Variants in MARCHF1 observed in about 807,000 individuals in gnomAD.
MARCHF1 encodes the protein membrane associated ring-CH-type finger 1, also known as E3 ubiquitin-protein ligase MARCHF1.
A neutral mutation model predicts 54.2 loss-of-function variants in MARCHF1; 40 were observed. The ratio of observed to expected loss-of-function variants is 0.74; its 90% CI spans 0.57 to 0.96. The LOEUF is 0.96. Among genes scored for constraint, MARCHF1 ranks in the 40% least tolerant of loss-of-function variants. MARCHF1 has a pLI of 0.00. For missense variants in MARCHF1, 586 were observed against 656.5 expected, an observed-to-expected ratio of 0.89 and a Z score of 1.17; for synonymous variants, 236 against 236.3, an observed-to-expected ratio of 1.00 and a Z score of 0.01.
At chr4:163,888,407 C>A (rs1022642781) in intron 3 of MARCHF1, among the ~76,000 whole-genome samples, 54 of 152,128 alleles carry the variant, frequency 3.5e-4, no homozygotes, top group African/African-American at 1.3e-3. Context: ...GTGTGATTGG[C>A]AAATCCATCA....
chr4:163,749,388 G>GT (rs557699175), intron 4 of MARCHF1, among the ~76,000 whole-genome samples: 32 of 151,750 alleles, frequency 2.1e-4, no homozygotes, highest in Admixed American at 1.4e-3. Flanking sequence ...ATAAAATCAG[G>GT]TTTGCTTCTT....
chr4:164,319,795 C>A (rs937715923), intron 1 of MARCHF1, among the ~76,000 whole-genome samples: 1 of 151,926 alleles, frequency 6.6e-6, no homozygotes, highest in African/African-American at 2.4e-5. Context: ...TAGCTGGGGG[C>A]CTTGCTGGAC....
intron 1 of MARCHF1, among the ~76,000 whole-genome samples, chr4:164,162,704 G>A (rs1730269548): frequency 6.6e-6 from 1 of 151,918 alleles, no homozygotes; most frequent in Admixed American, 6.6e-5. Flanking sequence ...AATGAAGTGG[G>A]GGAAAAATTT....
intron 2 of MARCHF1, among the ~76,000 whole-genome samples, chr4:164,092,613 T>C (rs1311936856): frequency 6.6e-6 from 1 of 152,128 alleles, no homozygotes; most frequent in Admixed American, 6.6e-5. Flanking sequence ...CTTACAGAAT[T>C]TTACTTACAT....
In MARCHF1 at chr4:163,929,953, TA is replaced by T. The variant is rs1370785573; in HGVS notation, c.-39+58547del. On this transcript the variant is annotated intron_variant, in intron 3 of 9. Transcript: ENST00000514618. ...ATATATTATATATTTATATTATATATATTATATATAATATATATAATATATA... is the reference window on the plus strand; with the variant it reads ...ATATATTATATATTTATATTATATATTTATATATAATATATATAATATATA... Among the ~76,000 whole-genome samples the T allele has an allele frequency of 2.0e-3, 35 of 17,894 alleles. 1 individual carries two copies. The highest frequency in any genetic ancestry group is 3.4e-3 in the Non-Finnish European group (31 of 9,094). 11.7% of individuals were successfully genotyped at this position (17,894 alleles called of 152,430 possible).
intron 1 of MARCHF1, among the ~76,000 whole-genome samples, chr4:164,148,425 A>AT (rs990437461): frequency 6.6e-6 from 1 of 151,492 alleles, no homozygotes; most frequent in East Asian, 1.9e-4. Context: ...TGTTCTCTTA[A>AT]TTTTTTTTTC....
intron 3 of MARCHF1, among the ~76,000 whole-genome samples, chr4:163,859,456 T>C (rs1022826525): frequency 9.5e-4 from 143 of 150,338 alleles, no homozygotes; most frequent in African/African-American, 3.5e-3. Flanking sequence ...GCCTCCCAGG[T>C]TCAAGCGATT....
chr4:164,291,688 C>T (rs1734286714), intron 1 of MARCHF1, among the ~76,000 whole-genome samples: 1 of 152,008 alleles, frequency 6.6e-6, no homozygotes, highest in Non-Finnish European at 1.5e-5. Context: ...GTACTGAATA[C>T]AGTTGACATG....
chr4:163,700,883 A>G lies in MARCHF1; in HGVS notation c.112-20T>C. On this transcript the variant is annotated intron_variant, in intron 4 of 9. Coordinates refer to ENST00000514618, the MANE Select transcript of MARCHF1 (RefSeq NM_001394959.1). ...TTCATTCTGAAAAATAAAATGGGAA[A>G]CATTAATTAAAAGAAGGTATGGTAC... 1 of 1,519,258 alleles carries G rather than the reference A, an allele frequency of 6.6e-7. No homozygotes were observed. Among genetic ancestry groups the G allele is most frequent in the African/African-American group, 1.4e-5 (1 of 72,790 alleles). 94.1% of individuals were successfully genotyped at this position (1,519,258 alleles called of 1,614,324 possible).
At chr4:164,264,625 G>A (rs950730756) in intron 1 of MARCHF1, among the ~76,000 whole-genome samples, 6 of 152,114 alleles carry the variant, frequency 3.9e-5, no homozygotes, top group African/African-American at 1.4e-4. Context: ...ATTGAGATAT[G>A]AGACCCACCA....
At chr4:164,215,265 C>T (rs1398153269) in intron 1 of MARCHF1, among the ~76,000 whole-genome samples, 1 of 152,118 alleles carries the variant, frequency 6.6e-6, no homozygotes, top group Non-Finnish European at 1.5e-5. Flanking sequence ...CGCCAAACCC[C>T]GCCTCCTTCC....
chr4:163,765,470 A>C (rs1350901576), intron 4 of MARCHF1, among the ~76,000 whole-genome samples: 1 of 152,154 alleles, frequency 6.6e-6, no homozygotes, highest in Non-Finnish European at 1.5e-5. Flanking sequence ...CTAATCTGTC[A>C]ATTGTAGCCA....
chr4:164,172,478 C>T (rs1730552019), intron 1 of MARCHF1, among the ~76,000 whole-genome samples: 1 of 152,098 alleles, frequency 6.6e-6, no homozygotes, highest in Non-Finnish European at 1.5e-5. Context: ...TTGCAAGTTA[C>T]AAGTTATGTA....
intron 5 of MARCHF1, among the ~76,000 whole-genome samples, chr4:163,675,274 C>T (rs1193718306): frequency 6.6e-6 from 1 of 152,158 alleles, no homozygotes; most frequent in Admixed American, 6.5e-5. Context: ...GATAATTCCT[C>T]AAATTTGAAG....
intron 2 of MARCHF1, among the ~76,000 whole-genome samples, chr4:164,006,846 C>A (rs1164276386): frequency 1.3e-5 from 2 of 151,582 alleles, no homozygotes; most frequent in African/African-American, 4.8e-5. Context: ...AAAAGAAGCA[C>A]CATCCAAGAA....
chr4:163,792,572 T>C (rs1747800416), intron 4 of MARCHF1, among the ~76,000 whole-genome samples: 2 of 152,188 alleles, frequency 1.3e-5, no homozygotes, highest in Admixed American at 1.3e-4. Context: ...TATGTACAGC[T>C]AAATCCTAAC....
At chr4:164,340,268 G>A (rs1171735751) in intron 1 of MARCHF1, among the ~76,000 whole-genome samples, 3 of 147,344 alleles carry the variant, frequency 2.0e-5, no homozygotes, top group Admixed American at 1.4e-4. Flanking sequence ...ACAGGGTCTC[G>A]TTCTGTCACC....
At chr4:164,175,678 G>A (rs993143574) in intron 1 of MARCHF1, among the ~76,000 whole-genome samples, 4 of 152,188 alleles carry the variant, frequency 2.6e-5, no homozygotes, top group African/African-American at 9.6e-5. Flanking sequence ...AAAGACTGAG[G>A]TCCCTAGATG....
At chr4:163,939,364 C>T (rs1465343509) in intron 3 of MARCHF1, among the ~76,000 whole-genome samples, 1 of 152,166 alleles carries the variant, frequency 6.6e-6, no homozygotes, top group African/African-American at 2.4e-5. Flanking sequence ...TGGATAAGAT[C>T]TCTGATGCAG....
Sources: gnomAD v4.1 joint callset for allele counts (sites outside exome capture counted in the v4.1 genomes callset) on GRCh38, gnomAD v4.1.1 for gene constraint, MANE v1.5 for transcripts, NCBI Gene and HGNC (gene_info 2026-07-23, HGNC 2026-07-21) for gene names.